Variants in ALMS1 observed in about 807,000 individuals in gnomAD.
ALMS1 encodes the protein centrosome-associated protein ALMS1.
Under a neutral mutation model 352.2 loss-of-function variants are expected in ALMS1, and 271 were observed. The observed-to-expected ratio is 0.77, with a 90% CI of 0.70 to 0.85. The LOEUF (loss-of-function observed/expected upper bound fraction) is 0.85. Among genes scored for constraint, ALMS1 ranks in the 40% least tolerant of loss-of-function variants. ALMS1 has a pLI of 0.00. For missense variants in ALMS1, 5,445 were observed against 4,870.7 expected, an observed-to-expected ratio of 1.12 and a Z score of -3.51; for synonymous variants, 1,865 against 1,761.2, an observed-to-expected ratio of 1.06 and a Z score of -1.48.
intron 15 of ALMS1, among the ~76,000 whole-genome samples, chr2:73,560,766 A>G (rs2104068686): frequency 6.6e-6 from 1 of 152,354 alleles, no homozygotes; most frequent in Non-Finnish European, 1.5e-5. Context: ...ATCACATACT[A>G]CAAGGTAGGT....
intron 9 of ALMS1, among the ~76,000 whole-genome samples, chr2:73,464,439 T>C (rs1015190838): frequency 1.7e-4 from 26 of 152,266 alleles, no homozygotes; most frequent in African/African-American, 5.1e-4. Context: ...ATTGATGGGA[T>C]GTATCTCAAA....
intron 12 of ALMS1, among the ~76,000 whole-genome samples, chr2:73,545,181 G>GTT (rs199515863): frequency 2.3e-4 from 32 of 139,886 alleles, no homozygotes; most frequent in Non-Finnish European, 3.6e-4. Flanking sequence ...ATTTTTTGTG[G>GTT]TTTTTTTTTT....
chr2:73,541,799 C>T (rs988035170), intron 12 of ALMS1, among the ~76,000 whole-genome samples: 1 of 152,128 alleles, frequency 6.6e-6, no homozygotes, highest in Admixed American at 6.5e-5. Flanking sequence ...ACACATATAC[C>T]TTCCCAAGAC....
chr2:73,447,284 T>G (rs1405415966), intron 7 of ALMS1, among the ~76,000 whole-genome samples: 1 of 152,166 alleles, frequency 6.6e-6, no homozygotes, highest in Non-Finnish European at 1.5e-5. Context: ...GATTTTTACA[T>G]TCCCTTCTCA....
chr2:73,566,990 C>G (rs1481823601), intron 15 of ALMS1, among the ~76,000 whole-genome samples: 1 of 152,196 alleles, frequency 6.6e-6, no homozygotes, highest in Non-Finnish European at 1.5e-5. Flanking sequence ...CTTCCATGTC[C>G]TCTCTGGGCC....
Position 73,519,857 on chromosome 2 carries a change from A to G in ALMS1, c.9622A>G (p.Ser3208Gly), listed in dbSNP as rs777802089. ...TGCAGTCACTCAGATAACAACAGAA[A>G]GTCCAGAAAAGACCCTATTTTCATC... ...SDAVTQITTESPEKTLFSSEI... is the reference protein window; with the variant it reads ...SDAVTQITTEGPEKTLFSSEI... The change falls in exon 11 of 23, where the codon AGT becomes GGT. Residue 3208 changes from serine to glycine, a missense_variant. By Grantham distance (56) the Ser-to-Gly change is moderately conservative (BLOSUM62 0). Transcript: ENST00000613296. The G allele has an allele frequency of 1.2e-6, 2 of 1,614,104 alleles. No individual in the cohort carries two copies. Among genetic ancestry groups the G allele is most frequent in the East Asian group, 2.2e-5 (1 of 44,870 alleles).
chr2:73,404,901 T>TTTTTTA (rs1355629468), intron 1 of ALMS1, among the ~76,000 whole-genome samples: 4 of 102,562 alleles, frequency 3.9e-5, no homozygotes, highest in African/African-American at 2.0e-4. Context: ...TCCTGGACCT[T>TTTTTTA]TTTTTTTTTT....
chr2:73,483,007 T>A (rs1387002843), intron 9 of ALMS1, among the ~76,000 whole-genome samples: 1 of 152,272 alleles, frequency 6.6e-6, no homozygotes, highest in East Asian at 1.9e-4. Context: ...CTTTTGTTGA[T>A]CCTTTCAAAA....
rs1027908105 is a variant in ALMS1 at position 73,448,261 on chromosome 2, G to A, written c.1734G>A (p.Arg578=). 1 of 1,612,362 alleles carries A rather than the reference G, an allele frequency of 6.2e-7. No homozygotes were observed. The highest frequency in any genetic ancestry group is 1.3e-5 in the African/African-American group (1 of 74,422). The stretch of plus-strand genomic sequence containing the variant: ...TACTCTCTAGTTCCCACTCACATAG[G>A]GGGAAGCCCAGCATTTTCTACCAGC... ...PTVLSSSHSH[R]GKPSIFYQQG... The change falls in exon 8 of 23, where the codon AGG becomes AGA. Residue 578 remains arginine (R), a synonymous_variant. Transcript: ENST00000613296.
intron 12 of ALMS1, among the ~76,000 whole-genome samples, chr2:73,539,681 G>T (rs1674120515): frequency 6.6e-6 from 1 of 152,166 alleles, no homozygotes; most frequent in South Asian, 2.1e-4. Flanking sequence ...AGTCCTTAAA[G>T]GACCTGATAA....
At chr2:73,590,688 T>TG (rs1295538028) in intron 16 of ALMS1, among the ~76,000 whole-genome samples, 2 of 144,870 alleles carry the variant, frequency 1.4e-5, no homozygotes, top group African/African-American at 5.1e-5. Context: ...TTTTTTTTTT[T>TG]TTTTTTTTTT....
chr2:73,554,250 G>A (rs1204081630), intron 13 of ALMS1, among the ~76,000 whole-genome samples: 2 of 151,494 alleles, frequency 1.3e-5, no homozygotes, highest in Admixed American at 6.6e-5. Flanking sequence ...AAAAATTAAA[G>A]GTAGATACAA....
chr2:73,573,834 C>A (rs1674996536), intron 16 of ALMS1, among the ~76,000 whole-genome samples: 1 of 131,710 alleles, frequency 7.6e-6, no homozygotes. Context: ...CACAGACAAA[C>A]ACATAAATAA....
At chr2:73,540,599 A>G (rs1288125436) in intron 12 of ALMS1, among the ~76,000 whole-genome samples, 1 of 152,210 alleles carries the variant, frequency 6.6e-6, no homozygotes, top group African/African-American at 2.4e-5. Flanking sequence ...AAGAGTCAAG[A>G]CCCATCCGTG....
Position 73,550,457 on chromosome 2 carries a change from A to G in ALMS1, c.10078+20A>G. On this transcript the variant is annotated intron_variant, in intron 13 of 22. Coordinates refer to ENST00000613296, the MANE Select transcript of ALMS1 (RefSeq NM_001378454.1). ...ATGCAGGTAACTGGATTGGCTTTGT[A>G]TACTTTGTAGCTTTTTCTCCCCTTT... 5 of 1,613,826 alleles carry G rather than the reference A, an allele frequency of 3.1e-6. No individual in the cohort carries two copies. The highest frequency in any genetic ancestry group is 4.2e-6 in the Non-Finnish European group (5 of 1,179,854).
chr2:73,424,526 C>T lies in ALMS1; in HGVS notation c.861C>T (p.Asp287=), dbSNP rs377281121. The T allele has an allele frequency of 2.3e-4, 370 of 1,611,382 alleles. 1 individual carries two copies. The highest frequency in any genetic ancestry group is 4.5e-4 in the Admixed American group (27 of 59,736). ...LFQATAEVAS[D]LASSRFSVSQ... ...AGGCTACTGCAGAAGTAGCTTCAGA[C>T]TTAGCAAGCAGTCGCTTTAGTGTAT... Residue 287 remains aspartate (D), a synonymous_variant, in exon 5 of 23, where the codon GAC becomes GAT. Transcript: ENST00000613296.
rs1171656515 is a variant in ALMS1 at position 73,489,673 on chromosome 2, G to A, written c.7714G>A (p.Ala2572Thr). 4 of 1,614,008 alleles carry A rather than the reference G, an allele frequency of 2.5e-6. No homozygotes were observed. The African/African-American group carries it at 5.3e-5, about 22-fold the overall frequency. ...ACGGGGAATGGGATGCAAGCCAGAA[G>A]CTGTATGTAGTCACATTATTATTGA... ...SPRGMGCKPE[A>T]VCSHIIIESH... The change falls in exon 10 of 23, where the codon GCT becomes ACT. Residue 2572 changes from alanine to threonine, a missense_variant. Coordinates refer to ENST00000613296, the MANE Select transcript of ALMS1 (RefSeq NM_001378454.1).
Position 73,603,272 on chromosome 2 carries a change from C to G in ALMS1, c.12330C>G (p.Ile4110Met), listed in dbSNP as rs375524122. 21 of 1,614,138 alleles carry G rather than the reference C, an allele frequency of 1.3e-5. No homozygotes were observed. In the African/African-American group the frequency reaches 2.7e-4, roughly 20 times the overall value. Reference sequence around the variant, plus strand: ...TGGCTATCCAGAAGAACAAGCCTATCAGCAAGAAGGAAATGATTCAGAGGT... The same window carrying G: ...TGGCTATCCAGAAGAACAAGCCTATGAGCAAGAAGGAAATGATTCAGAGGT... The part of the protein sequence containing the change: ...VFLAIQKNKP[I>M]SKKEMIQRSK... Residue 4110 changes from isoleucine to methionine, a missense_variant, in exon 21 of 23, where the codon ATC becomes ATG. Ile to Met is a conservative substitution (Grantham distance 10). Coordinates refer to ENST00000613296, the MANE Select transcript of ALMS1 (RefSeq NM_001378454.1).
intron 9 of ALMS1, among the ~76,000 whole-genome samples, chr2:73,460,558 G>C (rs545292813): frequency 1.3e-5 from 2 of 152,282 alleles, no homozygotes; most frequent in South Asian, 4.1e-4. Context: ...GAGGTACCGG[G>C]TTCATCTCAC....
Sources: gnomAD v4.1 joint callset for allele counts (sites outside exome capture counted in the v4.1 genomes callset) on GRCh38, gnomAD v4.1.1 for gene constraint, MANE v1.5 for transcripts, NCBI Gene and HGNC (gene_info 2026-07-23, HGNC 2026-07-21) for gene names.